DNM3: variants seen among roughly 807,000 people sequenced by gnomAD.
DNM3 encodes the protein dynamin 3.
DNM3 carries 47 observed loss-of-function variants against 101.6 expected under a neutral mutation model. The ratio of observed to expected loss-of-function variants is 0.46; its 90% CI spans 0.37 to 0.59. The LOEUF (loss-of-function observed/expected upper bound fraction) is 0.59. DNM3 is among the 20% of genes least tolerant of loss of function. The pLI is 0.00. For synonymous variants in DNM3, 385 were observed against 387.9 expected (o/e 0.99, Z 0.09); for missense variants, 849 against 1,085.7 (o/e 0.78, Z 3.06).
At chr1:171,946,620 A>G (rs1168130111) in intron 2 of DNM3, among the ~76,000 whole-genome samples, 2 of 152,174 alleles carry the variant, frequency 1.3e-5, no homozygotes, top group African/African-American at 4.8e-5. Context: ...GTCTTAGTCC[A>G]TTTGTGTTGC....
At chr1:172,093,627 A>G in intron 13 of DNM3, 1 of 1,337,938 alleles carries the variant, frequency 7.5e-7, no homozygotes, top group Admixed American at 2.4e-5. Context: ...AAAGGAGAAG[A>G]GGTAATAACA....
chr1:172,125,201 T>C (rs949516996), intron 13 of DNM3, among the ~76,000 whole-genome samples: 2 of 152,134 alleles, frequency 1.3e-5, no homozygotes, highest in African/African-American at 2.4e-5. Context: ...TTATAACCTT[T>C]ATCTAGGCTG....
intron 14 of DNM3, among the ~76,000 whole-genome samples, chr1:172,195,797 T>C (rs964259877): frequency 6.6e-6 from 1 of 151,940 alleles, no homozygotes. Flanking sequence ...TAATTCTTTT[T>C]ATGTATTTTT....
intron 12 of DNM3, among the ~76,000 whole-genome samples, chr1:172,082,557 A>C (rs80085456): frequency 6.6e-6 from 1 of 152,146 alleles, no homozygotes; most frequent in Non-Finnish European, 1.5e-5. Context: ...AATAATCTTG[A>C]TATCACCTCT....
At chr1:172,114,744 A>T (rs183548869) in intron 13 of DNM3, among the ~76,000 whole-genome samples, 2 of 152,222 alleles carry the variant, frequency 1.3e-5, no homozygotes, top group East Asian at 3.9e-4. Context: ...AGGCTCCGAG[A>T]GGTTAAGGAT....
At chr1:172,121,557 G>C (rs1168880276) in intron 13 of DNM3, among the ~76,000 whole-genome samples, 2 of 152,218 alleles carry the variant, frequency 1.3e-5, no homozygotes, top group Non-Finnish European at 2.9e-5. Context: ...GGCAGAATGA[G>C]TAGACGATGA....
At chr1:172,126,503 G>A (rs2056625633) in intron 13 of DNM3, among the ~76,000 whole-genome samples, 1 of 152,022 alleles carries the variant, frequency 6.6e-6, no homozygotes, top group South Asian at 2.1e-4. Context: ...ATTAAAATTA[G>A]CAAAATAATT....
intron 10 of DNM3, among the ~76,000 whole-genome samples, chr1:172,061,317 A>G (rs552568361): frequency 1.4e-5 from 2 of 143,650 alleles, no homozygotes; most frequent in South Asian, 4.4e-4. Flanking sequence ...AGAACTGGAG[A>G]TACCATTTGA....
intron 17 of DNM3, among the ~76,000 whole-genome samples, chr1:172,335,706 C>T (rs1223740516): frequency 6.6e-6 from 1 of 152,088 alleles, no homozygotes. Flanking sequence ...AACCAAATAC[C>T]ACATGTTCTC....
chr1:172,403,546 C>A (rs2070663669), intron 20 of DNM3, among the ~76,000 whole-genome samples: 1 of 152,090 alleles, frequency 6.6e-6, no homozygotes, highest in Non-Finnish European at 1.5e-5. Flanking sequence ...ATCGGTAAAG[C>A]CAGTTTCTCC....
chr1:172,015,233 T>C lies in DNM3; in HGVS notation c.590-17169T>C, dbSNP rs1478718392. 2.6e-5 allele frequency among the ~76,000 whole-genome samples: 4 copies of C among 152,186 alleles called. No individual in the cohort carries two copies. In the South Asian group the frequency reaches 8.3e-4, roughly 31 times the overall value. On this transcript the variant is annotated intron_variant, in intron 4 of 20. Coordinates refer to ENST00000627582, the MANE Select transcript of DNM3 (RefSeq NM_015569.5). ...CCTCCAGCTTTGTTCTTCTTTTATA[T>C]TGTGTTGGCTATCCTGGGCTCTTTG...
At chr1:171,845,157 C>T (rs1418906129) in intron 1 of DNM3, among the ~76,000 whole-genome samples, 1 of 152,186 alleles carries the variant, frequency 6.6e-6, no homozygotes, top group African/African-American at 2.4e-5. Context: ...TGCTCTAGAA[C>T]CTCTGTGCCA....
At chr1:171,860,988 G>A (rs563191958) in intron 1 of DNM3, among the ~76,000 whole-genome samples, 3 of 152,142 alleles carry the variant, frequency 2.0e-5, no homozygotes, top group Admixed American at 6.6e-5. Flanking sequence ...CTGGGGCACA[G>A]AGGAGAGTTT....
chr1:171,955,959 C>T (rs2042828297), intron 2 of DNM3, among the ~76,000 whole-genome samples: 1 of 152,144 alleles, frequency 6.6e-6, no homozygotes, highest in South Asian at 2.1e-4. Flanking sequence ...GGCTTCTTCA[C>T]TATCACGAGA....
At chr1:172,044,551 G>C (rs1190800777) in intron 9 of DNM3, 99 bp downstream of exon 9, 1 of 978,086 alleles carries the variant, frequency 1.0e-6, no homozygotes, top group East Asian at 2.7e-5. Flanking sequence ...CATTGAATAG[G>C]GTAGAATACA....
At chr1:172,279,289 CA>C (rs750649399) in intron 15 of DNM3, among the ~76,000 whole-genome samples, 17 of 152,086 alleles carry the variant, frequency 1.1e-4, no homozygotes, top group Non-Finnish European at 2.2e-4. Context: ...TATTGTACCC[CA>C]AAAAGGGTCT....
chr1:172,089,082 G>A (rs886538720), intron 12 of DNM3, among the ~76,000 whole-genome samples: 2 of 152,216 alleles, frequency 1.3e-5, no homozygotes, highest in Admixed American at 6.5e-5. Context: ...GTGCACACAC[G>A]CACACACATA....
rs1197275978 is a variant in DNM3 at position 172,038,480 on chromosome 1, C to T, written c.992+19C>T. 8 of 1,606,960 alleles carry T rather than the reference C, an allele frequency of 5.0e-6. No individual in the cohort carries two copies. The highest frequency in any genetic ancestry group is 5.9e-6 in the Non-Finnish European group (7 of 1,177,514). On this transcript the variant is annotated intron_variant, in intron 7 of 20. Coordinates refer to ENST00000627582, the MANE Select transcript of DNM3 (RefSeq NM_015569.5). The stretch of plus-strand genomic sequence containing the variant: ...TGCTGCAGTAGGTCACCTTTCCCTT[C>T]CTTGGCTCAGCATTTTAATCTAATT...
chr1:172,306,527 C>A (rs892799492), intron 15 of DNM3, among the ~76,000 whole-genome samples: 1 of 152,072 alleles, frequency 6.6e-6, no homozygotes, highest in Non-Finnish European at 1.5e-5. Flanking sequence ...GGAAAAAAAC[C>A]ACTTTAAAGT....
Sources: allele counts gnomAD v4.1 joint callset (sites outside exome capture counted in the v4.1 genomes callset), GRCh38; gene constraint gnomAD v4.1.1; transcripts MANE v1.5; gene names NCBI Gene and HGNC (gene_info 2026-07-23, HGNC 2026-07-21).